Variants in ACAD10 observed in about 807,000 individuals in gnomAD.
ACAD10 encodes the protein acyl-CoA dehydrogenase family member 10, also known as ACAD-10.
Under a neutral mutation model 116.8 loss-of-function variants are expected in ACAD10, and 112 were observed. The ratio of observed to expected loss-of-function variants is 0.96; its 90% confidence interval spans 0.82 to 1.12. The LOEUF is 1.12. ACAD10 is among the 50% of genes most tolerant of loss of function. ACAD10 has a pLI of 0.00. For missense variants in ACAD10, 1,259 were observed against 1,350.2 expected (o/e 0.93, Z 1.06); for synonymous variants, 486 against 510.6 (o/e 0.95, Z 0.65).
intron 7 of ACAD10, among the ~76,000 whole-genome samples, chr12:111,716,246 C>T (rs1888844898): frequency 6.6e-6 from 1 of 151,944 alleles, no homozygotes; most frequent in South Asian, 2.1e-4. Flanking sequence ...CTGGCATGAA[C>T]CTGTAGTCAC....
intron 6 of ACAD10, among the ~76,000 whole-genome samples, chr12:111,713,052 C>T (rs1293854029): frequency 5.9e-5 from 9 of 152,166 alleles, no homozygotes; most frequent in Admixed American, 5.9e-4. Flanking sequence ...GTGGCTCACG[C>T]TTGTAATCCC....
At chr12:111,743,663 T>G (rs1889811487) in intron 12 of ACAD10, among the ~76,000 whole-genome samples, 1 of 151,892 alleles carries the variant, frequency 6.6e-6, no homozygotes, top group Non-Finnish European at 1.5e-5. Context: ...ATGGCAATGG[T>G]AGTTACCCAA....
intron 7 of ACAD10, among the ~76,000 whole-genome samples, chr12:111,718,810 A>G (rs372469052): frequency 6.6e-5 from 10 of 152,092 alleles, no homozygotes; most frequent in African/African-American, 2.4e-4. Flanking sequence ...GCATTTAAAT[A>G]TATAACTTTT....
At chr12:111,749,935 C>T (rs1890024932) in intron 18 of ACAD10, among the ~76,000 whole-genome samples, 1 of 150,196 alleles carries the variant, frequency 6.7e-6, no homozygotes. Context: ...CCACCACGCC[C>T]AGCTAATTTT....
At chr12:111,716,397 T>C (rs1275935397) in intron 7 of ACAD10, among the ~76,000 whole-genome samples, 2 of 152,126 alleles carry the variant, frequency 1.3e-5, no homozygotes, top group Non-Finnish European at 2.9e-5. Context: ...AAATGTAAAT[T>C]AGAACTATTC....
intron 2 of ACAD10, among the ~76,000 whole-genome samples, chr12:111,694,315 G>T (rs192293710): frequency 2.0e-5 from 3 of 151,950 alleles, no homozygotes; most frequent in Non-Finnish European, 4.4e-5. Flanking sequence ...TTACCTCAGG[G>T]GCTGTTCCAG....
At chr12:111,691,578 T>A (rs909825624) in intron 1 of ACAD10, among the ~76,000 whole-genome samples, 1 of 151,260 alleles carries the variant, frequency 6.6e-6, no homozygotes, top group African/African-American at 2.4e-5. Flanking sequence ...GGGGAGCTGC[T>A]GCAGAAAGGA....
At chr12:111,749,678 G>A in intron 18 of ACAD10, 1 of 236,400 alleles carries the variant, frequency 4.2e-6, no homozygotes. Context: ...TATAATCCCA[G>A]TACTTTGGGA....
At chr12:111,698,108 C>G (rs1888242125) in intron 2 of ACAD10, among the ~76,000 whole-genome samples, 1 of 151,572 alleles carries the variant, frequency 6.6e-6, no homozygotes, top group South Asian at 2.1e-4. Context: ...TATTCTCCTT[C>G]CTCAGCCTCT....
intron 7 of ACAD10, among the ~76,000 whole-genome samples, chr12:111,720,053 G>A (rs1888972452): frequency 6.6e-6 from 1 of 152,068 alleles, no homozygotes; most frequent in South Asian, 2.1e-4. Flanking sequence ...TAATAGAAAT[G>A]GGGTTTCGCC....
In ACAD10 at chr12:111,709,641, C is replaced by G. The variant is rs752626361; in HGVS notation, c.647C>G (p.Thr216Arg). Residue 216 changes from threonine (T) to arginine (R), a missense_variant, in exon 5 of 21, where the codon ACA becomes AGA. Physicochemically the swap from Thr to Arg is moderately conservative, Grantham distance 71. Coordinates refer to ENST00000313698, the MANE Select transcript of ACAD10 (RefSeq NM_025247.6). Reference protein sequence around the residue: ...SESIFLDDLGTNLKEAARLGI... With the variant: ...SESIFLDDLGRNLKEAARLGI... ...TCCATCTTTCTTGATGACCTTGGAA[C>G]AAATCTAAAAGAAGCTGCCAGACTT... 1 of 1,613,876 alleles carries G rather than the reference C, an allele frequency of 6.2e-7. No individual in the cohort carries two copies. Among genetic ancestry groups the G allele is most frequent in the East Asian group, 2.2e-5 (1 of 44,864 alleles).
chr12:111,707,192 C>G (rs924208549), intron 4 of ACAD10, among the ~76,000 whole-genome samples: 2 of 151,822 alleles, frequency 1.3e-5, no homozygotes, highest in Non-Finnish European at 2.9e-5. Context: ...TGGGCTCAAG[C>G]AATTCTCGTG....
Position 111,692,761 on chromosome 12 carries a change from A to G in ACAD10, c.52A>G (p.Thr18Ala). The G allele has an allele frequency of 6.2e-7, 1 of 1,614,196 alleles. No homozygotes were observed. Among genetic ancestry groups the G allele is most frequent in the Non-Finnish European group, 8.5e-7 (1 of 1,180,038 alleles). The change falls in exon 2 of 21, where the codon ACA (threonine) becomes GCA (alanine). Residue 18 changes from threonine (T) to alanine (A), a missense_variant. Thr to Ala is a moderately conservative substitution (Grantham distance 58, BLOSUM62 0). Coordinates refer to ENST00000313698, the MANE Select transcript of ACAD10 (RefSeq NM_025247.6). ...CCCCCGTCTCCAGTGGGTGTGGAGA[A>G]CAGCCTTCCTGAAACACACCCAGCG... ...QSPRLQWVWR[T>A]AFLKHTQRRH...
chr12:111,702,434 T>A, intron 3 of ACAD10, 124 bp downstream of exon 3: 1 of 1,358,784 alleles, frequency 7.4e-7, no homozygotes, highest in Non-Finnish European at 1.0e-6. Flanking sequence ...TTACATGTTT[T>A]AAAGTTATTT....
Position 111,747,352 on chromosome 12 carries a change from T to A in ACAD10, c.2452T>A (p.Tyr818Asn). 1 of 1,614,192 alleles carries A rather than the reference T, an allele frequency of 6.2e-7. No individual in the cohort carries two copies. Among genetic ancestry groups the A allele is most frequent in the Non-Finnish European group, 8.5e-7 (1 of 1,180,034 alleles). ...TTCCATCAGAGAGGAGGACAGCTTC[T>A]ATGTCATAAACGGTCACAAATGGTG... is the stretch of plus-strand genomic sequence containing the variant. ...EASIREEDSF[Y>N]VINGHKWWIT... Residue 818 changes from tyrosine to asparagine, a missense_variant, in exon 16 of 21, where the codon TAT becomes AAT. Physicochemically the swap from Tyr to Asn is moderately radical, Grantham distance 143. Transcript: ENST00000313698.
chr12:111,686,411 G>C (rs1887852214), intron 1 of ACAD10, 172 bp downstream of exon 1: 1 of 152,598 alleles, frequency 6.6e-6, no homozygotes, highest in Non-Finnish European at 1.5e-5. Flanking sequence ...AGAGTGGAGA[G>C]TCGATCGCTG....
Position 111,749,239 on chromosome 12 carries a change from G to T in ACAD10, c.2711G>T (p.Gly904Val). Residue 904 changes from glycine (G) to valine (V), a missense_variant, in exon 18 of 21, where the codon GGC becomes GTC. Coordinates refer to ENST00000313698, the MANE Select transcript of ACAD10 (RefSeq NM_025247.6). Reference protein sequence around the residue: ...VPKENMVLGPGRGFEIAQGRL... With the variant: ...VPKENMVLGPVRGFEIAQGRL... The stretch of plus-strand genomic sequence containing the variant: ...AAAGAGAACATGGTCCTGGGCCCTG[G>T]CCGAGGCTTTGAGATCGCCCAGGGC... 1 of 1,614,138 alleles carries T rather than the reference G, an allele frequency of 6.2e-7. No individual in the cohort carries two copies. Among genetic ancestry groups the T allele is most frequent in the Non-Finnish European group, 8.5e-7 (1 of 1,180,010 alleles).
intron 9 of ACAD10, among the ~76,000 whole-genome samples, 195 bp downstream of exon 9, chr12:111,728,338 T>G (rs975064452): frequency 2.6e-5 from 4 of 152,188 alleles, no homozygotes; most frequent in African/African-American, 9.7e-5. Flanking sequence ...AATAAATCCC[T>G]TTATGAACTA....
intron 18 of ACAD10, chr12:111,753,261 T>C (rs940178311): frequency 9.8e-6 from 3 of 305,858 alleles, no homozygotes; most frequent in African/African-American, 6.5e-5. Context: ...CCCTTGCAGA[T>C]AAGGCCACCC....
Sources: gnomAD v4.1 joint callset for allele counts (sites outside exome capture counted in the v4.1 genomes callset) on GRCh38, gnomAD v4.1.1 for gene constraint, MANE v1.5 for transcripts, NCBI Gene and HGNC (gene_info 2026-07-23, HGNC 2026-07-21) for gene names.